The following MAX variants were observed in gnomAD, a reference collection of about 807,000 sequenced individuals.
The protein encoded by MAX is MYC associated transcriptional regulator X.
A neutral mutation model predicts 22.3 loss-of-function variants in MAX; 3 were observed. That is an observed-to-expected ratio of 0.13 (90% CI 0.06 to 0.35). The LOEUF is 0.35. Among genes scored for constraint, MAX ranks in the 10% least tolerant of loss-of-function variants. The pLI is 1.00. For synonymous variants in MAX, 72 were observed against 77.7 expected (o/e 0.93, Z 0.39); for missense variants, 119 against 209.4 (o/e 0.57, Z 2.66).
rs532050271 is a variant in MAX at position 65,030,908 on chromosome 14, A to G, written c.172-24624T>C. On this transcript the variant is annotated intron_variant, in intron 3 of 3. Coordinates refer to the MAX transcript ENST00000341653. This position sits in a 1 kb window ranked among gnomAD's most constrained non-coding sequence, Gnocchi z 4.5. ...CTGCAACCTCTGTCTCTGGGGTTCAAACGATTCTCCTGCCTCGGTCTCCCA... is the reference window on the plus strand; with the variant it reads ...CTGCAACCTCTGTCTCTGGGGTTCAGACGATTCTCCTGCCTCGGTCTCCCA... Among the ~76,000 whole-genome samples, 13 of 152,110 alleles carry G rather than the reference A, an allele frequency of 8.5e-5. No homozygotes were observed. The highest frequency in any genetic ancestry group is 1.6e-4 in the Non-Finnish European group (11 of 68,016).
At chr14:65,026,917 G>A (rs2061992981) in intron 3 of MAX, among the ~76,000 whole-genome samples, 1 of 152,054 alleles carries the variant, frequency 6.6e-6, no homozygotes, top group African/African-American at 2.4e-5. Flanking sequence ...AGAAATCAGT[G>A]GCCCACAGAG....
At chr14:65,058,268 T>TTC (rs1555338507) in intron 3 of MAX, among the ~76,000 whole-genome samples, 12 of 151,390 alleles carry the variant, frequency 7.9e-5, no homozygotes, top group African/African-American at 2.7e-4. Context: ...TTTTTTTTTT[T>TTC]CGGTTAGAGT....
At chr14:65,072,820 T>C (rs1555339770), downstream of MAX, among the ~76,000 whole-genome samples, 1 of 152,238 alleles carries the variant, frequency 6.6e-6, no homozygotes, top group Non-Finnish European at 1.5e-5. Context: ...ATCTAATTAA[T>C]GTACCCACAG....
intron 3 of MAX, among the ~76,000 whole-genome samples, chr14:65,066,989 G>A (rs370956163): frequency 3.4e-5 from 5 of 149,172 alleles, no homozygotes; most frequent in South Asian, 2.1e-4. Context: ...CAGCCTGAGC[G>A]ACATAGCCAC....
chr14:65,019,261 C>T (rs1217743502), intron 3 of MAX, among the ~76,000 whole-genome samples: 2 of 151,692 alleles, frequency 1.3e-5, no homozygotes, highest in Non-Finnish European at 2.9e-5. Context: ...CTGAGACAGG[C>T]GGATTACTTG....
intron 3 of MAX, among the ~76,000 whole-genome samples, chr14:65,018,359 G>A (rs903050274): frequency 1.3e-5 from 2 of 152,148 alleles, no homozygotes; most frequent in Middle Eastern, 3.4e-3. Context: ...ATATTTGTAT[G>A]TTAAAATATA....
At chr14:65,045,918 G>C (rs574550479) in intron 3 of MAX, among the ~76,000 whole-genome samples, 35 of 152,328 alleles carry the variant, frequency 2.3e-4, no homozygotes, top group Non-Finnish European at 4.3e-4. Flanking sequence ...TGACTTTGGA[G>C]CCTGCACAGT....
At position 65,091,469 on chromosome 14, in the gene MAX, T is replaced by C. The variant is rs548258460; in HGVS notation, c.171+2239A>G. Among the ~76,000 whole-genome samples, 17 of 152,238 alleles carry C rather than the reference T, an allele frequency of 1.1e-4. No homozygotes were observed. In the South Asian group the frequency reaches 3.5e-3, roughly 32 times the overall value. On this transcript the variant is annotated intron_variant, in intron 3 of 4. Coordinates refer to ENST00000358664, the MANE Select transcript of MAX (RefSeq NM_002382.5). ...TTTGTTGACTGGCTCTAGAATCTGG[T>C]TCCCCTGGACCACTCCTCTCTCCTA...
At chr14:65,065,814 T>C (rs540433191) in intron 3 of MAX, among the ~76,000 whole-genome samples, 2 of 152,180 alleles carry the variant, frequency 1.3e-5, no homozygotes, top group South Asian at 2.1e-4. Context: ...CCTAAGACAG[T>C]CCCTCCTGTT....
chr14:65,100,411 T>C (rs1325700403), intron 2 of MAX, among the ~76,000 whole-genome samples: 1 of 152,034 alleles, frequency 6.6e-6, no homozygotes, highest in Non-Finnish European at 1.5e-5. Context: ...GATAGCGCCA[T>C]TGCACTCCAG....
Position 65,076,504 on chromosome 14 carries a change from C to A in MAX, c.455G>T (p.Arg152Met). ...SESEPEEPQSRKKLRMEAS is the reference protein window; with the variant it reads ...SESEPEEPQSMKKLRMEAS ...GCTGGCCTCCATCCGGAGCTTCTTC[C>A]TGCTTTGGGGCTCTTCAGGCTCAGA... The change falls in exon 5 of 5, where the codon AGG becomes ATG. Residue 152 changes from arginine (R) to methionine (M), a missense_variant. This residue lies in a region of MAX where 95 missense variants were observed against 148.1 expected (regional missense o/e 0.64). Coordinates refer to ENST00000358664, the MANE Select transcript of MAX (RefSeq NM_002382.5). The surrounding 1 kb of genome is among the most constrained non-coding windows in gnomAD (Gnocchi z 6.6). 1 of 1,613,896 alleles carries A rather than the reference C, an allele frequency of 6.2e-7. No individual in the cohort carries two copies. The highest frequency in any genetic ancestry group is 8.5e-7 in the Non-Finnish European group (1 of 1,180,020).
At position 65,082,675 on chromosome 14, in the gene MAX, G is replaced by C. The variant is rs991212967; in HGVS notation, c.172-4639C>G. On this transcript the variant is annotated intron_variant, in intron 3 of 4. Coordinates refer to ENST00000358664, the MANE Select transcript of MAX (RefSeq NM_002382.5). The surrounding 1 kb of genome is among the most constrained non-coding windows in gnomAD (Gnocchi z 4.8). Reference sequence around the variant, plus strand: ...CCAGCTACTTGGGAGGCAAAGGTGGGAGGATCTCTTGAGCCCATGGGGCTG... The same window carrying C: ...CCAGCTACTTGGGAGGCAAAGGTGGCAGGATCTCTTGAGCCCATGGGGCTG... 6.6e-5 allele frequency among the ~76,000 whole-genome samples: 10 copies of C among 152,016 alleles called. No homozygotes were observed. Among genetic ancestry groups the C allele is most frequent in the Admixed American group, 1.3e-4 (2 of 15,256 alleles).
rs140804199 is a variant in MAX, at chr14:65,019,630, G to A, written c.172-13346C>T. 3.3e-3 allele frequency among the ~76,000 whole-genome samples: 501 copies of A among 152,330 alleles called. 2 individuals carry two copies. Among genetic ancestry groups the A allele is most frequent in the African/African-American group, 0.011 (470 of 41,566 alleles). ...TCCTTATTTCAAAAACCACTTGACA[G>A]TTAATGAGAGTTTCTGCTTCACAGA... On this transcript the variant is annotated intron_variant, in intron 3 of 3. Coordinates refer to the MAX transcript ENST00000341653.
Position 65,054,901 on chromosome 14 carries a change from G to C in MAX, c.171+38807C>G, listed in dbSNP as rs1413929448. On this transcript the variant is annotated intron_variant, in intron 3 of 3. Transcript: ENST00000341653. This position sits in a 1 kb window ranked among gnomAD's most constrained non-coding sequence, Gnocchi z 4.4. ...GCTCAGGGTTCCAGATGGGCGGTCT[G>C]ATCTGTCAAAGAGCTGTTGTGCCTT... Among the ~76,000 whole-genome samples, 2 of 152,220 alleles carry C rather than the reference G, an allele frequency of 1.3e-5. No homozygotes were observed. The highest frequency in any genetic ancestry group is 2.4e-5 in the African/African-American group (1 of 41,456).
chr14:65,018,263 G>T (rs555827742), intron 3 of MAX, among the ~76,000 whole-genome samples: 18 of 152,256 alleles, frequency 1.2e-4, no homozygotes, highest in Non-Finnish European at 2.5e-4. Flanking sequence ...TCAGGGGTTT[G>T]AGGCTGCAGT....
intron 3 of MAX, among the ~76,000 whole-genome samples, chr14:65,046,971 G>A (rs2062497035): frequency 6.6e-6 from 1 of 152,052 alleles, no homozygotes; most frequent in South Asian, 2.1e-4. Flanking sequence ...GCAAAAAGGT[G>A]CGAAAAATAT....
At chr14:65,037,751 TATTTATTTA>T (rs2062241577) in intron 3 of MAX, among the ~76,000 whole-genome samples, 22 of 106,860 alleles carry the variant, frequency 2.1e-4, no homozygotes, top group South Asian at 8.5e-4. Flanking sequence ...ATTATTTATT[TATTTATTTA>T]TTTATTTATT....
At chr14:65,049,718 A>G (rs900986841) in intron 3 of MAX, among the ~76,000 whole-genome samples, 3 of 152,182 alleles carry the variant, frequency 2.0e-5, no homozygotes, top group African/African-American at 7.2e-5. Flanking sequence ...GTTATAGGAT[A>G]TGAAATATAT....
chr14:65,087,595 G>A (rs907099599), intron 3 of MAX, among the ~76,000 whole-genome samples: 4 of 152,194 alleles, frequency 2.6e-5, no homozygotes, highest in Admixed American at 6.5e-5. Flanking sequence ...TTTTTTGACC[G>A]ATTTCTCCCA....
Sources: gnomAD v4.1 joint callset for allele counts (sites outside exome capture counted in the v4.1 genomes callset) on GRCh38, gnomAD v4.1.1 for gene constraint, gnomAD v4.1.1 regional missense constraint, Gnocchi (gnomAD v3.1) non-coding constraint, MANE v1.5 for transcripts, NCBI Gene and HGNC (gene_info 2026-07-23, HGNC 2026-07-21) for gene names.